SRD5A2: variants seen among roughly 807,000 people sequenced by gnomAD.
SRD5A2 encodes the protein 3-oxo-5-alpha-steroid 4-dehydrogenase 2.
SRD5A2 carries 30 observed loss-of-function variants against 27.4 expected under a neutral mutation model. That is an observed-to-expected ratio of 1.10 (90% CI 0.82 to 1.49). The LOEUF (loss-of-function observed/expected upper bound fraction) is 1.49. SRD5A2 is among the 40% of genes most tolerant of loss of function. The pLI is 0.00. For missense variants in SRD5A2, 348 were observed against 323.4 expected, an observed-to-expected ratio of 1.08 and a Z score of -0.58; for synonymous variants, 141 against 133.6, an observed-to-expected ratio of 1.06 and a Z score of -0.38.
At position 31,524,296 on chromosome 2, in the gene SRD5A2, T is replaced by C; in HGVS notation, c.*1900A>G. 4.4e-6 allele frequency: 1 copy of C among 228,164 alleles called. No homozygotes were observed. The highest frequency in any genetic ancestry group is 6.3e-5 in the East Asian group (1 of 15,884). The allele number at this position is 228,164 out of a possible 1,614,324, so 14.1% of individuals were successfully genotyped here. Reference sequence around the variant, plus strand: ...TCACCAAGTGTGTTCATTCCCCCTGTGTATTCCTCAGCACCAGGAGTGGCA... The same window carrying C: ...TCACCAAGTGTGTTCATTCCCCCTGCGTATTCCTCAGCACCAGGAGTGGCA... On this transcript the variant is annotated 3_prime_UTR_variant, in exon 5 of 5. Transcript: ENST00000622030.
chr2:31,582,317 C>G (rs1357179553), upstream of SRD5A2, among the ~76,000 whole-genome samples: 1 of 152,164 alleles, frequency 6.6e-6, no homozygotes, highest in Non-Finnish European at 1.5e-5. Context: ...CATCTGCTCC[C>G]GTTTGGGGTG....
chr2:31,646,714 CA>C, the SRD5A2 span, among the ~76,000 whole-genome samples: 1 of 152,130 alleles, frequency 6.6e-6, no homozygotes. Flanking sequence ...AAAAAGTACA[CA>C]GTCTGAAAAA....
At chr2:31,584,249 G>A (rs926704261), upstream of SRD5A2, among the ~76,000 whole-genome samples, 1 of 152,186 alleles carries the variant, frequency 6.6e-6, no homozygotes, top group Non-Finnish European at 1.5e-5. Context: ...GATCTACAGA[G>A]TATTGGAATT....
the SRD5A2 span, among the ~76,000 whole-genome samples, chr2:31,647,632 C>G: frequency 1.6e-4 from 24 of 152,326 alleles, no homozygotes; most frequent in Admixed American, 1.5e-3. Flanking sequence ...CCTCTCTCAT[C>G]TCTGCTGGCC....
rs28383087 is a variant in SRD5A2 at position 31,524,840 on chromosome 2, T to G, written c.*1356A>C. ...CAATTACAAGCGTTCGGCCCCTTCC[T>G]TAGAGAGTCCATATCTCAGCACTCA... On this transcript the variant is annotated 3_prime_UTR_variant, in exon 5 of 5. Coordinates refer to ENST00000622030, the MANE Select transcript of SRD5A2 (RefSeq NM_000348.4). The G allele has an allele frequency of 8.6e-3, 1,961 of 226,866 alleles. 24 individuals are homozygous for G. The highest frequency in any genetic ancestry group is 0.011 in the Non-Finnish European group (1,281 of 113,988). 14.1% of individuals were successfully genotyped at this position (226,866 alleles called of 1,614,324 possible).
chr2:31,638,425 G>C, the SRD5A2 span, among the ~76,000 whole-genome samples: 14 of 152,086 alleles, frequency 9.2e-5, no homozygotes, highest in African/African-American at 3.4e-4. Flanking sequence ...GAAATGTTCT[G>C]TAAATATTAG....
chr2:31,619,986 T>C, the SRD5A2 span, among the ~76,000 whole-genome samples: 5 of 152,208 alleles, frequency 3.3e-5, no homozygotes, highest in Non-Finnish European at 7.4e-5. Context: ...ACAATTGCTT[T>C]TGGCATCTTT....
chr2:31,656,323 T>C, the SRD5A2 span, among the ~76,000 whole-genome samples: 1 of 152,204 alleles, frequency 6.6e-6, no homozygotes, highest in Non-Finnish European at 1.5e-5. Flanking sequence ...CCTTCTACCT[T>C]ATTGGCCATT....
chr2:31,577,786 C>A lies in SRD5A2; in HGVS notation c.281+2834G>T, dbSNP rs144432552. Among the ~76,000 whole-genome samples, 1,133 of 152,200 alleles carry A rather than the reference C, an allele frequency of 7.4e-3. 11 individuals are homozygous for A. The highest frequency in any genetic ancestry group is 0.026 in the African/African-American group (1,083 of 41,528). The stretch of plus-strand genomic sequence containing the variant: ...CCAAATGACTCCTTAAGCCTCGAAA[C>A]AGATATGTATGATTATATCAAGACC... On this transcript the variant is annotated intron_variant, in intron 1 of 4. Transcript: ENST00000622030.
intron 1 of SRD5A2, chr2:31,563,035 T>A (rs1290151034): frequency 2.0e-5 from 3 of 152,114 alleles, no homozygotes; most frequent in Non-Finnish European, 4.4e-5. Context: ...TTCATAACCA[T>A]CTGTTGGTAT....
the SRD5A2 span, among the ~76,000 whole-genome samples, chr2:31,623,651 T>C: frequency 6.6e-6 from 1 of 151,932 alleles, no homozygotes; most frequent in Non-Finnish European, 1.5e-5. Context: ...TGAATAGGAG[T>C]GGTGAGTGAG....
intron 1 of SRD5A2, among the ~76,000 whole-genome samples, chr2:31,544,260 G>A (rs1398967216): frequency 6.6e-6 from 1 of 151,794 alleles, no homozygotes; most frequent in Non-Finnish European, 1.5e-5. Context: ...ATACCACACT[G>A]TCAAAAATGA....
chr2:31,643,824 C>A, the SRD5A2 span, among the ~76,000 whole-genome samples: 1 of 152,150 alleles, frequency 6.6e-6, no homozygotes, highest in East Asian at 1.9e-4. Context: ...TGTGTCCATG[C>A]TGATATGAAT....
Position 31,531,357 on chromosome 2 carries a change from A to G in SRD5A2, c.547+14T>C, listed in dbSNP as rs1332338956. ...CAGGGAAGAGTGAGAGTCTGGGGGC[A>G]GGGGAGACATTACCTTGTGGAATCC... On this transcript the variant is annotated intron_variant, in intron 3 of 4. Transcript: ENST00000622030. The G allele has an allele frequency of 6.5e-7, 1 of 1,549,346 alleles. No individual in the cohort carries two copies. Among genetic ancestry groups the G allele is most frequent in the Admixed American group, 1.9e-5 (1 of 52,626 alleles).
chr2:31,618,047 T>C, the SRD5A2 span, among the ~76,000 whole-genome samples: 1 of 152,152 alleles, frequency 6.6e-6, no homozygotes, highest in Non-Finnish European at 1.5e-5. Flanking sequence ...GGAAAGAGGA[T>C]TAATTGACTC....
At chr2:31,580,511 C>T in intron 1 of SRD5A2, 109 bp downstream of exon 1, 1 of 1,333,608 alleles carries the variant, frequency 7.5e-7, no homozygotes, top group Non-Finnish European at 9.9e-7. Flanking sequence ...CCTCACAGCG[C>T]CCCACGCTGC....
the SRD5A2 span, among the ~76,000 whole-genome samples, chr2:31,589,753 G>A: frequency 6.6e-6 from 1 of 151,996 alleles, no homozygotes; most frequent in African/African-American, 2.4e-5. Context: ...CGGGGTGGGG[G>A]GCAAATGGGA....
chr2:31,562,724 T>C (rs1297631706), intron 1 of SRD5A2, among the ~76,000 whole-genome samples: 2 of 152,168 alleles, frequency 1.3e-5, no homozygotes, highest in Non-Finnish European at 2.9e-5. Context: ...TATTGGGTAC[T>C]ATGTTCACCA....
At chr2:31,615,416 A>C in the SRD5A2 span, among the ~76,000 whole-genome samples, 1 of 152,176 alleles carries the variant, frequency 6.6e-6, no homozygotes, top group South Asian at 2.1e-4. Flanking sequence ...CTAGTTGGGA[A>C]CTGGAGTAAA....
Sources: allele counts gnomAD v4.1 joint callset (sites outside exome capture counted in the v4.1 genomes callset), GRCh38; gene constraint gnomAD v4.1.1; transcripts MANE v1.5; gene names NCBI Gene and HGNC (gene_info 2026-07-23, HGNC 2026-07-21).